Variants in ZNF75D observed in about 807,000 individuals in gnomAD.
ZNF75D encodes the protein zinc finger protein 75.
In ZNF75D, 33 loss-of-function variants were observed where a neutral mutation model predicts 33.3. The ratio of observed to expected loss-of-function variants is 0.99; its 90% CI spans 0.75 to 1.32. The LOEUF is 1.32. Among genes scored for constraint, ZNF75D ranks in the 40% most tolerant of loss-of-function variants. ZNF75D has a pLI of 0.00. For synonymous variants in ZNF75D, 113 were observed against 130.6 expected, an observed-to-expected ratio of 0.87 and a Z score of 0.92; for missense variants, 338 against 367.5, an observed-to-expected ratio of 0.92 and a Z score of 0.66.
At chrX:135,333,058 G>C (rs891745354) in intron 1 of ZNF75D, among the ~76,000 whole-genome samples, 1 of 110,994 alleles carries the variant, frequency 9.0e-6, no homozygotes, top group Non-Finnish European at 1.9e-5. Flanking sequence ...AGAATCACAA[G>C]TAAAAAATCC....
chrX:135,257,021 A>G (rs1279698932), intron 1 of ZNF75D, among the ~76,000 whole-genome samples: 5 of 111,643 alleles, frequency 4.5e-5, no homozygotes, highest in African/African-American at 1.6e-4. Context: ...GCACTGAATA[A>G]CACCCAGCGA....
At chrX:135,340,127 A>G (rs2084766475) in intron 1 of ZNF75D, among the ~76,000 whole-genome samples, 1 of 112,410 alleles carries the variant, frequency 8.9e-6, no homozygotes, top group Non-Finnish European at 1.9e-5. Flanking sequence ...ATTATGTCAT[A>G]CTTAGGTCTT....
At chrX:135,266,940 C>T (rs782144181) in intron 1 of ZNF75D, among the ~76,000 whole-genome samples, 12 of 111,598 alleles carry the variant, frequency 1.1e-4, no homozygotes, top group African/African-American at 3.9e-4. Context: ...TGGAATAAAA[C>T]TAGAAATCAA....
chrX:135,316,999 A>G (rs2084428825), intron 1 of ZNF75D, among the ~76,000 whole-genome samples: 1 of 110,583 alleles, frequency 9.0e-6, no homozygotes, highest in African/African-American at 3.3e-5. Flanking sequence ...TTGGATAATT[A>G]TTTTGTTCCT....
intron 3 of ZNF75D, 136 bp from the exon 4 acceptor site, chrX:135,292,609 A>G (rs4279751): frequency 2.0e-6 from 1 of 495,603 alleles, no homozygotes; most frequent in Non-Finnish European, 3.3e-6. Context: ...ATGAAGAGGT[A>G]TTGTGCCACT....
At chrX:135,249,321 C>G (rs1382071018) in intron 3 of ZNF75D, 1 of 258,227 alleles carries the variant, frequency 3.9e-6, no homozygotes, top group Non-Finnish European at 7.3e-6. Flanking sequence ...TTGATAGAAT[C>G]TAGAATTACC....
At chrX:135,310,118 G>A (rs1185155869) in intron 1 of ZNF75D, among the ~76,000 whole-genome samples, 2 of 112,076 alleles carry the variant, frequency 1.8e-5, no homozygotes. Context: ...GCTGGGCCGG[G>A]GGTTTGGGAC....
chrX:135,258,285 A>G (rs1369443836), intron 1 of ZNF75D, among the ~76,000 whole-genome samples: 1 of 109,799 alleles, frequency 9.1e-6, no homozygotes, highest in African/African-American at 3.3e-5. Context: ...TAGTAGCATG[A>G]TTTATAATCC....
intron 1 of ZNF75D, among the ~76,000 whole-genome samples, chrX:135,332,186 C>A (rs1378907531): frequency 8.9e-6 from 1 of 111,806 alleles, no homozygotes; most frequent in Non-Finnish European, 1.9e-5. Flanking sequence ...ACCTCCTATA[C>A]CCCATGGCCA....
In ZNF75D at chrX:135,257,447, G is replaced by C. The variant is rs181541873; in HGVS notation, n.828-1670C>G. ...GACTCCTATACTTTTGCAAAGGGGA[G>C]GGAAGAGTGGGAAAACTGTATCGTA... On this transcript the variant is annotated intron_variant and non_coding_transcript_variant, in intron 1 of 3. Transcript: ENST00000494295. 2.4e-3 allele frequency among the ~76,000 whole-genome samples: 275 copies of C among 113,294 alleles called. 2 individuals are homozygous for C. Among genetic ancestry groups the C allele is most frequent in the Admixed American group, 0.021 (228 of 10,816 alleles).
chrX:135,321,382 C>A (rs189359568), intron 1 of ZNF75D, among the ~76,000 whole-genome samples: 1 of 111,949 alleles, frequency 8.9e-6, no homozygotes, highest in Admixed American at 9.5e-5. Flanking sequence ...TAAATAGATT[C>A]CAGAATTGTT....
chrX:135,258,240 G>C (rs1296525996), intron 1 of ZNF75D, among the ~76,000 whole-genome samples: 2 of 106,239 alleles, frequency 1.9e-5, no homozygotes, highest in Non-Finnish European at 4.0e-5. Flanking sequence ...ATTGTGAATA[G>C]TGCTGCAATA....
Position 135,342,253 on chromosome X carries a change from T to C in ZNF75D, c.-876A>G, listed in dbSNP as rs1470375518. On this transcript the variant is annotated 5_prime_UTR_variant, in exon 1 of 7. The change abolishes an upstream ATG in the 5' untranslated region. Transcript: ENST00000370766. The stretch of plus-strand genomic sequence containing the variant: ...GTATCCATTGGCTCAATGACTTTCA[T>C]GCTGTTTTGTAAGGAAAAGGCTCTT... 4 of 112,275 alleles carry C rather than the reference T, an allele frequency of 3.6e-5. No homozygotes were observed. Among genetic ancestry groups the C allele is most frequent in the African/African-American group, 1.3e-4 (4 of 30,818 alleles). The allele number at this position is 112,275 out of a possible 1,213,427, so 9.3% of individuals were successfully genotyped here.
At chrX:135,259,795 T>G (rs2083830565) in intron 1 of ZNF75D, among the ~76,000 whole-genome samples, 1 of 111,986 alleles carries the variant, frequency 8.9e-6, no homozygotes, top group Non-Finnish European at 1.9e-5. Context: ...TTCCTTCTCT[T>G]GCCTGATTGT....
chrX:135,322,771 C>T (rs2084512510), intron 1 of ZNF75D, among the ~76,000 whole-genome samples: 1 of 112,078 alleles, frequency 8.9e-6, no homozygotes, highest in Non-Finnish European at 1.9e-5. Flanking sequence ...GTATCCATGC[C>T]CACTATGAGA....
intron 1 of ZNF75D, among the ~76,000 whole-genome samples, chrX:135,329,771 T>C (rs2148493194): frequency 8.9e-6 from 1 of 112,590 alleles, no homozygotes; most frequent in East Asian, 2.8e-4. Context: ...AGGAATAATA[T>C]ATCCAGTTCA....
intron 1 of ZNF75D, among the ~76,000 whole-genome samples, chrX:135,304,541 C>T (rs1472684014): frequency 9.0e-6 from 1 of 111,127 alleles, no homozygotes; most frequent in Non-Finnish European, 1.9e-5. Context: ...GACCTGTGCC[C>T]AACACCCAGC....
Position 135,344,070 on chromosome X carries a change from G to C in ZNF75D, c.-2693C>G, listed in dbSNP as rs1293995740. On this transcript the variant is annotated 5_prime_UTR_variant, in exon 1 of 7. Transcript: ENST00000370766. ...GACCAACGTTAGGGCTGCGTTTCCC[G>C]AACGACACCATTGTATCAAGCGGCC... 8.9e-6 allele frequency: 1 copy of C among 112,224 alleles called. No homozygotes were observed. The highest frequency in any genetic ancestry group is 1.9e-5 in the Non-Finnish European group (1 of 53,219). The allele number at this position is 112,224 out of a possible 1,213,427, so 9.2% of individuals were successfully genotyped here.
At chrX:135,326,469 A>G (rs930520194) in intron 1 of ZNF75D, among the ~76,000 whole-genome samples, 1 of 111,985 alleles carries the variant, frequency 8.9e-6, no homozygotes, top group African/African-American at 3.3e-5. Context: ...CGCACCAATC[A>G]GCGCCCTGTC....
Sources: allele counts gnomAD v4.1 joint callset (sites outside exome capture counted in the v4.1 genomes callset), GRCh38; gene constraint gnomAD v4.1.1; transcripts MANE v1.5; gene names NCBI Gene and HGNC (gene_info 2026-07-23, HGNC 2026-07-21).